The following PLA2R1 variants were observed in gnomAD, a reference collection of about 807,000 sequenced individuals.
The protein encoded by PLA2R1 is secretory phospholipase A2 receptor.
A neutral mutation model predicts 195.9 loss-of-function variants in PLA2R1; 158 were observed. That is an observed-to-expected ratio of 0.81 (90% confidence interval 0.71 to 0.92). PLA2R1 has a LOEUF of 0.92. PLA2R1 is among the 40% of genes least tolerant of loss of function. The pLI, the probability that PLA2R1 is intolerant of heterozygous loss-of-function variation, is 0.00. For missense variants in PLA2R1, 1,626 were observed against 1,764.6 expected, an observed-to-expected ratio of 0.92 and a Z score of 1.41; for synonymous variants, 586 against 598.2, an observed-to-expected ratio of 0.98 and a Z score of 0.30.
intron 10 of PLA2R1, among the ~76,000 whole-genome samples, chr2:160,009,709 T>C (rs1692229333): frequency 3.2e-5 from 1 of 31,086 alleles, no homozygotes; most frequent in South Asian, 5.5e-4. Flanking sequence ...GTGTTTTACG[T>C]ATATTTTACC....
chr2:159,967,851 G>C (rs1476038756), intron 19 of PLA2R1, among the ~76,000 whole-genome samples, 173 bp from the exon 20 acceptor site: 2 of 151,888 alleles, frequency 1.3e-5, no homozygotes, highest in African/African-American at 4.8e-5. Flanking sequence ...CAGCTAACTG[G>C]GCAAGGCCAA....
At chr2:160,052,911 A>G (rs1241733795) in intron 1 of PLA2R1, among the ~76,000 whole-genome samples, 1 of 152,238 alleles carries the variant, frequency 6.6e-6, no homozygotes, top group African/African-American at 2.4e-5. Flanking sequence ...TGCAAGGTAG[A>G]AATGTTAAAA....
At chr2:160,012,351 A>G (rs2715948) in intron 10 of PLA2R1, among the ~76,000 whole-genome samples, 114,741 of 151,696 alleles carry the variant, frequency 0.76, 43,715 homozygotes, top group East Asian at 0.88. Flanking sequence ...CATCGATACT[A>G]ATATGAGGTC....
At chr2:160,024,830 C>T (rs1454075668) in intron 6 of PLA2R1, among the ~76,000 whole-genome samples, 4 of 152,226 alleles carry the variant, frequency 2.6e-5, no homozygotes, top group Non-Finnish European at 5.9e-5. Flanking sequence ...GGCACCCCAC[C>T]TTCCCAGGGA....
At chr2:160,060,853 A>G (rs1476065207) in intron 1 of PLA2R1, among the ~76,000 whole-genome samples, 2 of 152,220 alleles carry the variant, frequency 1.3e-5, no homozygotes, top group Non-Finnish European at 2.9e-5. Flanking sequence ...TTAAAATGCA[A>G]AGGAATAACC....
At chr2:159,966,159 A>T (rs900574530) in intron 20 of PLA2R1, among the ~76,000 whole-genome samples, 1 of 152,250 alleles carries the variant, frequency 6.6e-6, no homozygotes, top group Non-Finnish European at 1.5e-5. Flanking sequence ...CCACCAATGG[A>T]TGACTGGATA....
chr2:159,956,544 C>A lies in PLA2R1; in HGVS notation c.2988G>T (p.Gly996=), dbSNP rs1688098843. 5 of 1,611,796 alleles carry A rather than the reference C, an allele frequency of 3.1e-6. No individual in the cohort carries two copies. Among genetic ancestry groups the A allele is most frequent in the Non-Finnish European group, 4.2e-6 (5 of 1,178,078 alleles). ...HAQHFCAEEG[G]TLVAIESEVE... ...CCTCACTTTCAATGGCGACCAGGGT[C>A]CCCCCTTCTTCAGCACAGAAATGTT... Residue 996 remains glycine (G), a synonymous_variant, in exon 21 of 30, where the codon GGG becomes GGT. Coordinates refer to ENST00000283243, the MANE Select transcript of PLA2R1 (RefSeq NM_007366.5).
intron 9 of PLA2R1, among the ~76,000 whole-genome samples, 179 bp from the exon 10 acceptor site, chr2:160,013,554 C>T (rs1434409355): frequency 7.9e-5 from 12 of 151,734 alleles, no homozygotes. Context: ...TTAACTACAC[C>T]CACTTCTACA....
At chr2:160,041,257 T>C (rs1694501883) in intron 3 of PLA2R1, among the ~76,000 whole-genome samples, 1 of 152,184 alleles carries the variant, frequency 6.6e-6, no homozygotes, top group Non-Finnish European at 1.5e-5. Context: ...ATGAAGACTG[T>C]AAAAGCTGTA....
chr2:159,962,064 C>T (rs1350939228), intron 20 of PLA2R1, among the ~76,000 whole-genome samples: 1 of 152,136 alleles, frequency 6.6e-6, no homozygotes, highest in East Asian at 1.9e-4. Flanking sequence ...AGCTTCTGCA[C>T]AGCAAAAGAA....
At chr2:160,042,465 A>G (rs1694580860) in intron 2 of PLA2R1, among the ~76,000 whole-genome samples, 1 of 152,216 alleles carries the variant, frequency 6.6e-6, no homozygotes, top group South Asian at 2.1e-4. Flanking sequence ...AGTAACATTC[A>G]TATTTGTGGA....
chr2:160,039,096 C>G (rs1032475427), intron 3 of PLA2R1, among the ~76,000 whole-genome samples: 5 of 152,056 alleles, frequency 3.3e-5, no homozygotes, highest in African/African-American at 1.2e-4. Flanking sequence ...AAACTCCTGA[C>G]CTCAAGTGAT....
intron 19 of PLA2R1, among the ~76,000 whole-genome samples, chr2:159,968,684 A>C (rs1324514100): frequency 6.6e-6 from 1 of 152,234 alleles, no homozygotes; most frequent in Non-Finnish European, 1.5e-5. Context: ...ATGAGTGGAC[A>C]ATCAACCTAA....
In PLA2R1 at chr2:160,044,850, C is replaced by T. The variant is rs1305615525; in HGVS notation, c.417G>A (p.Val139=). The T allele has an allele frequency of 1.9e-6, 3 of 1,613,962 alleles. No individual in the cohort carries two copies. Among genetic ancestry groups the T allele is most frequent in the Non-Finnish European group, 2.5e-6 (3 of 1,179,824 alleles). The change falls in exon 2 of 30, where the codon GTG becomes GTA. Residue 139 remains valine (V), a synonymous_variant. Transcript: ENST00000283243. ...ACTTATGAATATACTTCCGTGAGGC[C>T]ACCACTGTGTTGTCATGCGCCACCT... ...SVQVAHDNTV[V]ASRKYIHKWI...
intron 24 of PLA2R1, among the ~76,000 whole-genome samples, 193 bp from the exon 25 acceptor site, chr2:159,949,969 A>T (rs1036011745): frequency 6.6e-6 from 1 of 152,158 alleles, no homozygotes; most frequent in Non-Finnish European, 1.5e-5. Flanking sequence ...TTTGATTTTT[A>T]GGAATTCTTG....
At chr2:160,059,589 C>T (rs1466846519) in intron 1 of PLA2R1, among the ~76,000 whole-genome samples, 1 of 152,044 alleles carries the variant, frequency 6.6e-6, no homozygotes, top group Non-Finnish European at 1.5e-5. Flanking sequence ...CTCTGAAGCC[C>T]GAGAACTTAA....
intron 23 of PLA2R1, among the ~76,000 whole-genome samples, chr2:159,952,733 A>C (rs1687825147): frequency 6.6e-6 from 1 of 152,184 alleles, no homozygotes; most frequent in South Asian, 2.1e-4. Flanking sequence ...CACAAGGCAC[A>C]CACTATTGTA....
At chr2:160,042,372 G>A (rs1694576253) in intron 2 of PLA2R1, among the ~76,000 whole-genome samples, 174 bp from the exon 3 acceptor site, 1 of 152,222 alleles carries the variant, frequency 6.6e-6, no homozygotes, top group Admixed American at 6.5e-5. Flanking sequence ...GTGTGAGACT[G>A]AGTGCTGGGC....
chr2:160,024,027 A>G (rs1009763033), intron 6 of PLA2R1, among the ~76,000 whole-genome samples: 4 of 148,022 alleles, frequency 2.7e-5, no homozygotes, highest in Admixed American at 6.6e-5. Context: ...GCCACTGAGG[A>G]CCCCTGCAGC....
Sources: gnomAD v4.1 joint callset for allele counts (sites outside exome capture counted in the v4.1 genomes callset) on GRCh38, gnomAD v4.1.1 for gene constraint, MANE v1.5 for transcripts, NCBI Gene and HGNC (gene_info 2026-07-23, HGNC 2026-07-21) for gene names.